The following VPS13C variants were observed in gnomAD, a reference collection of about 807,000 sequenced individuals.
VPS13C encodes vacuolar protein sorting 13 homolog C, also known as intermembrane lipid transfer protein VPS13C.
Under a neutral mutation model 456.8 loss-of-function variants are expected in VPS13C, and 358 were observed. The observed-to-expected ratio is 0.78, with a 90% CI of 0.72 to 0.86. The LOEUF (loss-of-function observed/expected upper bound fraction) is 0.86. Ranked by LOEUF, VPS13C falls within the 40% of genes least tolerant of loss-of-function variation. VPS13C has a pLI of 0.00. For synonymous variants in VPS13C, 1,578 were observed against 1,486.7 expected, an observed-to-expected ratio of 1.06 and a Z score of -1.41; for missense variants, 4,818 against 4,385.4, an observed-to-expected ratio of 1.10 and a Z score of -2.79.
intron 16 of VPS13C, among the ~76,000 whole-genome samples, chr15:61,998,318 T>G (rs563091649): frequency 9.5e-4 from 145 of 152,318 alleles, no homozygotes; most frequent in African/African-American, 3.4e-3. Flanking sequence ...GCTCCTTATA[T>G]TCTTTCCTAC....
At chr15:61,916,769 A>C (rs2043484807) in intron 60 of VPS13C, among the ~76,000 whole-genome samples, 1 of 152,126 alleles carries the variant, frequency 6.6e-6, no homozygotes. Flanking sequence ...ATTACTTCTT[A>C]AGACAGACAG....
At chr15:61,861,832 A>G (rs886690998) in intron 82 of VPS13C, among the ~76,000 whole-genome samples, 3 of 152,130 alleles carry the variant, frequency 2.0e-5, no homozygotes, top group African/African-American at 7.2e-5. Flanking sequence ...AGGTGCTGTG[A>G]CTCATGCCTG....
intron 66 of VPS13C, among the ~76,000 whole-genome samples, chr15:61,900,345 A>T (rs560474192): frequency 6.6e-6 from 1 of 152,312 alleles, no homozygotes; most frequent in Admixed American, 6.5e-5. Context: ...AGACGACATG[A>T]TTGTATATTT....
intron 66 of VPS13C, among the ~76,000 whole-genome samples, chr15:61,897,988 T>A (rs2042882742): frequency 6.6e-6 from 1 of 152,124 alleles, no homozygotes; most frequent in Non-Finnish European, 1.5e-5. Flanking sequence ...CAGAATTTCA[T>A]ATCCAGCCAA....
intron 66 of VPS13C, among the ~76,000 whole-genome samples, chr15:61,901,252 T>G (rs1270543266): frequency 1.3e-5 from 2 of 151,792 alleles, no homozygotes; most frequent in Non-Finnish European, 2.9e-5. Flanking sequence ...AAGACAAAAT[T>G]GACAAATGGG....
chr15:61,969,746 G>A (rs904348413), intron 27 of VPS13C, among the ~76,000 whole-genome samples: 1 of 151,872 alleles, frequency 6.6e-6, no homozygotes, highest in Non-Finnish European at 1.5e-5. Flanking sequence ...TCTTAAACCT[G>A]TATTTCAAAG....
chr15:62,022,247 T>C (rs1409106617), intron 8 of VPS13C, among the ~76,000 whole-genome samples: 4 of 151,872 alleles, frequency 2.6e-5, no homozygotes, highest in Non-Finnish European at 5.9e-5. Flanking sequence ...GGTTTTTTCC[T>C]ATATATACAT....
rs1341252568 is a variant in VPS13C, at chr15:61,996,896, CAT to C, written c.1353+3666_1353+3667del. On this transcript the variant is annotated intron_variant, in intron 16 of 84. Transcript: ENST00000644861. Reference sequence around the variant, plus strand: ...ACACACACACACACACACACACACACATATATATATATTACATATACACACAT... The same window carrying C: ...ACACACACACACACACACACACACACATATATATATTACATATACACACAT... Among the ~76,000 whole-genome samples, 410 of 129,314 alleles carry C rather than the reference CAT, an allele frequency of 3.2e-3. 3 individuals are homozygous for C. Among genetic ancestry groups the C allele is most frequent in the African/African-American group, 6.3e-3 (223 of 35,250 alleles). The allele number at this position is 129,314 out of a possible 152,430, so 84.8% of individuals were successfully genotyped here. A position where few individuals can be genotyped will look rare whatever the true frequency, so the allele number is the denominator to read the frequency against.
At chr15:61,905,298 C>A (rs2043123747) in intron 66 of VPS13C, among the ~76,000 whole-genome samples, 1 of 152,116 alleles carries the variant, frequency 6.6e-6, no homozygotes, top group Non-Finnish European at 1.5e-5. Context: ...AACATCTTTA[C>A]TTTCTTTTTG....
chr15:61,884,470 C>T (rs960485255), intron 67 of VPS13C, among the ~76,000 whole-genome samples: 4 of 151,960 alleles, frequency 2.6e-5, no homozygotes, highest in Admixed American at 6.6e-5. Context: ...TTTCTATCAA[C>T]GTTGACATCA....
At chr15:61,907,895 T>C (rs1236352836) in intron 65 of VPS13C, among the ~76,000 whole-genome samples, 1 of 152,150 alleles carries the variant, frequency 6.6e-6, no homozygotes, top group Non-Finnish European at 1.5e-5. Flanking sequence ...GCTGTGACTA[T>C]AGGTATGCAT....
chr15:61,953,328 T>C (rs963474811), intron 38 of VPS13C, among the ~76,000 whole-genome samples: 1 of 151,568 alleles, frequency 6.6e-6, no homozygotes, highest in South Asian at 2.1e-4. Flanking sequence ...CATGCTGGTG[T>C]GCTGCACCCA....
chr15:61,899,656 G>C (rs1315742432), intron 66 of VPS13C, among the ~76,000 whole-genome samples: 2 of 150,030 alleles, frequency 1.3e-5, no homozygotes, highest in Non-Finnish European at 3.0e-5. Flanking sequence ...GGACCAGATG[G>C]ATTCACAGCC....
At chr15:61,978,812 CT>C in intron 22 of VPS13C, 63 bp from the exon 23 acceptor site, 1 of 1,504,076 alleles carries the variant, frequency 6.6e-7, no homozygotes, top group Admixed American at 2.2e-5. Flanking sequence ...CATCAACATA[CT>C]TTAGTTAGGT....
rs1567029997 is a variant in VPS13C, at chr15:61,942,070, GT to G, written c.5149-4del. On this transcript the variant is annotated splice_region_variant and splice_polypyrimidine_tract_variant and intron_variant, in intron 45 of 84. Transcript: ENST00000644861. ...GTTTGGAAATTGTTGAGGAAGTTCTGTTGGAAGAGACAGATATTTAGGGGAA... is the reference window on the plus strand; with the variant it reads ...GTTTGGAAATTGTTGAGGAAGTTCTGTGGAAGAGACAGATATTTAGGGGAA... 3 of 1,566,474 alleles carry G rather than the reference GT, an allele frequency of 1.9e-6. No homozygotes were observed. The South Asian group carries it at 3.6e-5, about 19-fold the overall frequency.
intron 3 of VPS13C, among the ~76,000 whole-genome samples, chr15:62,035,652 C>T (rs2047970066): frequency 6.6e-6 from 1 of 151,952 alleles, no homozygotes; most frequent in Non-Finnish European, 1.5e-5. Flanking sequence ...CAGGAAGAGG[C>T]TAGCTCTAAA....
intron 18 of VPS13C, among the ~76,000 whole-genome samples, chr15:61,987,622 G>C (rs2046095140): frequency 6.6e-6 from 1 of 152,276 alleles, no homozygotes; most frequent in East Asian, 1.9e-4. Context: ...TGAGATCTGG[G>C]AGAGGACACA....
chr15:61,941,419 T>C (rs2044419879), intron 46 of VPS13C, among the ~76,000 whole-genome samples: 1 of 152,108 alleles, frequency 6.6e-6, no homozygotes, highest in Admixed American at 6.5e-5. Context: ...ATTTTATATA[T>C]TACGAAGTTT....
chr15:61,981,319 C>CAA (rs781766890), intron 22 of VPS13C, 23 bp downstream of exon 22: 1 of 1,568,694 alleles, frequency 6.4e-7, no homozygotes, highest in East Asian at 2.3e-5. Flanking sequence ...GATGGGCAGA[C>CAA]AAAAAAACGC....
Sources: gnomAD v4.1 joint callset for allele counts (sites outside exome capture counted in the v4.1 genomes callset) on GRCh38, gnomAD v4.1.1 for gene constraint, MANE v1.5 for transcripts, NCBI Gene and HGNC (gene_info 2026-07-23, HGNC 2026-07-21) for gene names.